NPHP1: variants seen among roughly 807,000 people sequenced by gnomAD.
NPHP1 encodes the protein nephrocystin-1.
NPHP1 carries 70 observed loss-of-function variants against 90.4 expected under a neutral mutation model. The observed-to-expected ratio is 0.77, with a 90% CI of 0.64 to 0.95. The LOEUF (loss-of-function observed/expected upper bound fraction) is 0.95. Among genes scored for constraint, NPHP1 ranks in the 40% least tolerant of loss-of-function variants. The probability of loss-of-function intolerance (pLI) is 0.00; values close to 1 mark genes in which losing one functional copy is unlikely to be tolerated. For missense variants in NPHP1, 764 were observed against 795.9 expected (o/e 0.96, Z 0.48); for synonymous variants, 256 against 271.7 (o/e 0.94, Z 0.57).
chr2:110,133,266 A>G (rs1447669654), intron 16 of NPHP1, among the ~76,000 whole-genome samples: 1 of 152,140 alleles, frequency 6.6e-6, no homozygotes, highest in Non-Finnish European at 1.5e-5. Flanking sequence ...CCATATTAAT[A>G]TCAGACAAAA....
chr2:110,156,952 T>C (rs1216319513), intron 11 of NPHP1, among the ~76,000 whole-genome samples: 2 of 152,106 alleles, frequency 1.3e-5, no homozygotes, highest in African/African-American at 2.4e-5. Context: ...AATTTTTGTA[T>C]TTTTAGTAGA....
intron 16 of NPHP1, among the ~76,000 whole-genome samples, chr2:110,133,521 G>A (rs1251099236): frequency 6.6e-6 from 1 of 152,008 alleles, no homozygotes; most frequent in Non-Finnish European, 1.5e-5. Flanking sequence ...TAACACTGTA[G>A]ACTAATTGGA....
intron 12 of NPHP1, among the ~76,000 whole-genome samples, chr2:110,148,871 G>T (rs966836100): frequency 1.3e-5 from 2 of 151,976 alleles, no homozygotes; most frequent in Non-Finnish European, 2.9e-5. Context: ...ACTCTCCCTC[G>T]ACAACTGTAT....
At chr2:110,189,932 TTGGTG>T (rs1684582601) in intron 2 of NPHP1, among the ~76,000 whole-genome samples, 1 of 151,764 alleles carries the variant, frequency 6.6e-6, no homozygotes, top group African/African-American at 2.4e-5. Context: ...AGAGTGCCGA[TTGGTG>T]TGTTTACAAT....
Position 110,161,625 on chromosome 2 carries a change from A to G in NPHP1, c.932T>C (p.Met311Thr). Residue 311 changes from methionine (M) to threonine (T), a missense_variant, in exon 10 of 20, where the codon ATG (methionine) becomes ACG (threonine). By Grantham distance (81) the Met-to-Thr change is moderately conservative. Transcript: ENST00000445609. ...TACAGTGCCTTCTGTAGCATCCCAC[A>G]TCAGATCTCTGAAGGCCAGTTGTGA... The part of the protein sequence containing the change: ...MPSQLAFRDL[M>T]WDATEGTIRS... The G allele has an allele frequency of 1.9e-6, 3 of 1,611,010 alleles. No homozygotes were observed. Among genetic ancestry groups the G allele is most frequent in the South Asian group, 2.2e-5 (2 of 90,942 alleles).
chr2:110,124,003 G>T lies in NPHP1; in HGVS notation c.1822C>A (p.Leu608Ile), dbSNP rs746961491. ...LLVYHDCVLP[L>I]LHSTRLPPFR... ...GGGGGTAGGCGTGTGGAGTGGAGAA[G>T]TGGGAGCACGCAGTCATGGTAAACC... The change falls in exon 20 of 20, where the codon CTT (leucine) becomes ATT (isoleucine). Residue 608 changes from leucine to isoleucine, a missense_variant. Transcript: ENST00000445609. 1 of 1,613,988 alleles carries T rather than the reference G, an allele frequency of 6.2e-7. No homozygotes were observed. The highest frequency in any genetic ancestry group is 1.7e-5 in the Admixed American group (1 of 60,012).
chr2:110,143,774 AC>A (rs1680818605), intron 15 of NPHP1, 133 bp from the exon 16 acceptor site: 4 of 689,776 alleles, frequency 5.8e-6, no homozygotes, highest in Middle Eastern at 3.6e-4. Flanking sequence ...TCATCCATAT[AC>A]CCTAAATGAG....
chr2:110,161,784 C>T (rs1574121792), intron 9 of NPHP1, 87 bp from the exon 10 acceptor site: 3 of 924,702 alleles, frequency 3.2e-6, no homozygotes, highest in East Asian at 2.6e-5. Flanking sequence ...AACTAGAGTA[C>T]AGGCACTTCC....
At chr2:110,149,277 G>C (rs1472356066) in intron 12 of NPHP1, among the ~76,000 whole-genome samples, 1 of 152,146 alleles carries the variant, frequency 6.6e-6, no homozygotes, top group Non-Finnish European at 1.5e-5. Context: ...TCATTCAACA[G>C]AATAACACAT....
At chr2:110,196,326 C>T (rs1383098578) in intron 2 of NPHP1, among the ~76,000 whole-genome samples, 6 of 151,994 alleles carry the variant, frequency 3.9e-5, no homozygotes, top group Non-Finnish European at 5.9e-5. Flanking sequence ...CAAACGACGC[C>T]ATCAAAAAGT....
chr2:110,141,086 C>G (rs1397584297), intron 16 of NPHP1, among the ~76,000 whole-genome samples: 1 of 152,170 alleles, frequency 6.6e-6, no homozygotes, highest in African/African-American at 2.4e-5. Context: ...CTTCCTTCCC[C>G]CTCTTGGCCT....
intron 3 of NPHP1, 32 bp downstream of exon 3, chr2:110,179,592 G>A: frequency 9.9e-7 from 1 of 1,013,748 alleles, no homozygotes; most frequent in Non-Finnish European, 1.6e-6. Context: ...AGGAAGAGAT[G>A]TTTTAATAAT....
chr2:110,192,730 G>A (rs1684844078), intron 2 of NPHP1, among the ~76,000 whole-genome samples: 1 of 152,098 alleles, frequency 6.6e-6, no homozygotes, highest in South Asian at 2.1e-4. Context: ...TTGAAATGAA[G>A]GAAAAAATGT....
At position 110,136,924 on chromosome 2, in the gene NPHP1, T is replaced by C. The variant is rs570800461; in HGVS notation, c.1530-5133A>G. 1.2e-4 allele frequency among the ~76,000 whole-genome samples: 19 copies of C among 152,230 alleles called. No individual in the cohort carries two copies. In the East Asian group the frequency reaches 3.3e-3, roughly 26 times the overall value. Reference sequence around the variant, plus strand: ...CATCACGCTACCTGACTTCAAACTATACTACAAGGCTACAGTAACCAAAAC... The same window carrying C: ...CATCACGCTACCTGACTTCAAACTACACTACAAGGCTACAGTAACCAAAAC... On this transcript the variant is annotated intron_variant, in intron 16 of 19. Transcript: ENST00000445609.
chr2:110,169,867 C>T lies in NPHP1; in HGVS notation c.461G>A (p.Gly154Asp). 1 of 1,613,720 alleles carries T rather than the reference C, an allele frequency of 6.2e-7. No homozygotes were observed. Among genetic ancestry groups the T allele is most frequent in the Non-Finnish European group, 8.5e-7 (1 of 1,179,738 alleles). ...EENESHKWST[G>D]EEYIAVGDFT... ...ATCTCCAACAGCGATGTATTCTTCA[C>T]CGGTTGACCATTTGTGAGATTCATT... Residue 154 changes from glycine (G) to aspartate (D), a missense_variant, in exon 5 of 20, where the codon GGT becomes GAT. By Grantham distance (94) the Gly-to-Asp change is moderately conservative. Transcript: ENST00000445609.
At chr2:110,140,740 C>G (rs1680560824) in intron 16 of NPHP1, among the ~76,000 whole-genome samples, 1 of 151,948 alleles carries the variant, frequency 6.6e-6, no homozygotes, top group African/African-American at 2.4e-5. Flanking sequence ...TGAAAAATAA[C>G]AATTTTCCAA....
chr2:110,129,185 C>G lies in NPHP1; in HGVS notation c.1716+1G>C. ...TTTCCATTGCAATGCATGCTACCCA[C>G]CCTGAGAGCATCCATCACATCAGGC... is the stretch of plus-strand genomic sequence containing the variant. On this transcript the variant is annotated splice_donor_variant, in intron 18 of 19. Coordinates refer to ENST00000445609, the MANE Select transcript of NPHP1 (RefSeq NM_001128178.3). LOFTEE classifies it high-confidence loss of function. The G allele has an allele frequency of 1.2e-6, 2 of 1,610,448 alleles. No individual in the cohort carries two copies. Among genetic ancestry groups the G allele is most frequent in the Non-Finnish European group, 1.7e-6 (2 of 1,177,020 alleles).
intron 16 of NPHP1, among the ~76,000 whole-genome samples, chr2:110,132,919 A>G (rs1679897104): frequency 6.6e-6 from 1 of 152,164 alleles, no homozygotes; most frequent in South Asian, 2.1e-4. Context: ...TTTCAAATGG[A>G]AAGTAAAAGG....
intron 5 of NPHP1, 112 bp downstream of exon 5, chr2:110,169,694 T>C: frequency 1.3e-6 from 1 of 751,756 alleles, no homozygotes; most frequent in Admixed American, 1.9e-5. Flanking sequence ...AAATAGATTG[T>C]TATAAAACTG....
Sources: allele counts gnomAD v4.1 joint callset (sites outside exome capture counted in the v4.1 genomes callset), GRCh38; gene constraint gnomAD v4.1.1; transcripts MANE v1.5; gene names NCBI Gene and HGNC (gene_info 2026-07-23, HGNC 2026-07-21).